Variants in ERBB4 observed in about 807,000 individuals in gnomAD.
ERBB4 encodes the protein receptor tyrosine-protein kinase erbB-4.
A neutral mutation model predicts 158.0 loss-of-function variants in ERBB4; 42 were observed. The ratio of observed to expected loss-of-function variants is 0.27; its 90% confidence interval spans 0.21 to 0.34. The LOEUF is 0.34. ERBB4 is among the 10% of genes least tolerant of loss of function. ERBB4 has a pLI of 1.00. For missense variants in ERBB4, 1,333 were observed against 1,624.1 expected (o/e 0.82, Z 3.08); for synonymous variants, 583 against 558.7 (o/e 1.04, Z -0.61).
intron 1 of ERBB4, among the ~76,000 whole-genome samples, chr2:212,171,449 G>C (rs906348244): frequency 1.3e-5 from 2 of 151,986 alleles, no homozygotes; most frequent in Non-Finnish European, 2.9e-5. Flanking sequence ...TCTTTGGAAG[G>C]CATGATTGGT....
At chr2:211,559,115 A>G (rs2067316498) in intron 20 of ERBB4, among the ~76,000 whole-genome samples, 1 of 152,118 alleles carries the variant, frequency 6.6e-6, no homozygotes, top group African/African-American at 2.4e-5. Flanking sequence ...TCACCACCTC[A>G]GGAAATGATC....
chr2:212,433,635 G>T (rs1178143322), intron 1 of ERBB4, among the ~76,000 whole-genome samples: 1 of 151,896 alleles, frequency 6.6e-6, no homozygotes, highest in Non-Finnish European at 1.5e-5. Flanking sequence ...AAAAAAATAG[G>T]TCCTTCGCAA....
chr2:211,506,571 G>A (rs879527973), intron 20 of ERBB4, among the ~76,000 whole-genome samples: 6 of 151,764 alleles, frequency 4.0e-5, no homozygotes, highest in Admixed American at 6.6e-5. Flanking sequence ...TCTGTATCAT[G>A]GTGGAACAGA....
intron 16 of ERBB4, among the ~76,000 whole-genome samples, chr2:211,645,556 C>A (rs1239343241): frequency 6.6e-6 from 1 of 151,572 alleles, no homozygotes; most frequent in Non-Finnish European, 1.5e-5. Context: ...GTTAATTAAA[C>A]TTCTTTATCC....
chr2:212,099,682 C>T (rs778640799), intron 2 of ERBB4, among the ~76,000 whole-genome samples: 1 of 151,654 alleles, frequency 6.6e-6, no homozygotes, highest in Non-Finnish European at 1.5e-5. Context: ...TAGGGCAATG[C>T]CAATTTAGAA....
chr2:211,475,437 A>G, intron 20 of ERBB4, among the ~76,000 whole-genome samples: 1 of 152,098 alleles, frequency 6.6e-6, no homozygotes, highest in East Asian at 1.9e-4. Context: ...GTGTATTAAC[A>G]TACACCATAA....
At chr2:211,412,324 GT>G (rs1251496524) in intron 25 of ERBB4, among the ~76,000 whole-genome samples, 1 of 152,088 alleles carries the variant, frequency 6.6e-6, no homozygotes, top group Non-Finnish European at 1.5e-5. Flanking sequence ...GTGGTGGGGG[GT>G]TTTATTTGTT....
intron 20 of ERBB4, among the ~76,000 whole-genome samples, chr2:211,546,327 T>G (rs7591843): frequency 0.28 from 42,772 of 151,996 alleles, 6,964 homozygotes; most frequent in African/African-American, 0.45. Context: ...ACATATATAT[T>G]TATGTGTATA....
At chr2:211,819,331 A>G (rs1408205592) in intron 3 of ERBB4, among the ~76,000 whole-genome samples, 2 of 152,066 alleles carry the variant, frequency 1.3e-5, no homozygotes, top group Admixed American at 1.3e-4. Context: ...ACAGGAAGAT[A>G]TAAAAATAAA....
In ERBB4 at chr2:211,687,070, T is replaced by C. The variant is rs189592965; in HGVS notation, c.1490-7886A>G. On this transcript the variant is annotated intron_variant, in intron 12 of 27. Transcript: ENST00000342788. The stretch of plus-strand genomic sequence containing the variant: ...CAGCACTTTGGGAGGCCAAGGTGGG[T>C]GGATCACGAGGTCAGGAGATCGAGA... Among the ~76,000 whole-genome samples the C allele has an allele frequency of 4.0e-5, 6 of 150,832 alleles. No homozygotes were observed. In the East Asian group the frequency reaches 9.8e-4, roughly 25 times the overall value.
intron 3 of ERBB4, among the ~76,000 whole-genome samples, chr2:211,850,645 G>A (rs1351657288): frequency 6.6e-6 from 1 of 151,808 alleles, no homozygotes; most frequent in Non-Finnish European, 1.5e-5. Context: ...TGGGGGAGCT[G>A]TCATGTATGA....
intron 1 of ERBB4, among the ~76,000 whole-genome samples, chr2:212,217,048 A>G (rs899904068): frequency 1.3e-5 from 2 of 151,446 alleles, no homozygotes; most frequent in Non-Finnish European, 3.0e-5. Flanking sequence ...AGCACACAAT[A>G]AAGAGAAAGG....
chr2:212,194,291 T>TACAC (rs5838307), intron 1 of ERBB4, among the ~76,000 whole-genome samples: 8,871 of 148,766 alleles, frequency 0.06, 336 homozygotes, highest in Admixed American at 0.12. Context: ...AAATAGTTTA[T>TACAC]ACACACACAC....
At chr2:211,661,329 A>G (rs1400828655) in intron 15 of ERBB4, among the ~76,000 whole-genome samples, 1 of 152,232 alleles carries the variant, frequency 6.6e-6, no homozygotes, top group Non-Finnish European at 1.5e-5. Flanking sequence ...AGAACAACAG[A>G]AACACAAAAC....
rs149918640 is a variant in ERBB4, at chr2:211,627,393, G to A, written c.2079+3069C>T. Among the ~76,000 whole-genome samples, 23 of 152,336 alleles carry A rather than the reference G, an allele frequency of 1.5e-4. No homozygotes were observed. The East Asian group carries it at 4.0e-3, about 27-fold the overall frequency. On this transcript the variant is annotated intron_variant, in intron 17 of 27. Transcript: ENST00000342788. The stretch of plus-strand genomic sequence containing the variant: ...AGGAATCACTATTAGGTTTTCCCAT[G>A]TATGTAATTGACTACCTTTATTTTG...
intron 1 of ERBB4, among the ~76,000 whole-genome samples, chr2:212,500,505 C>T (rs185862908): frequency 6.6e-6 from 1 of 151,756 alleles, no homozygotes; most frequent in Non-Finnish European, 1.5e-5. Flanking sequence ...GTGGCCCTAA[C>T]ATTTAATTTT....
At chr2:211,461,085 G>GAAA (rs34730738) in intron 20 of ERBB4, among the ~76,000 whole-genome samples, 1 of 147,044 alleles carries the variant, frequency 6.8e-6, no homozygotes, top group Non-Finnish European at 1.5e-5. Context: ...GAGATTGGGG[G>GAAA]AAAAAAAAAA....
intron 3 of ERBB4, among the ~76,000 whole-genome samples, chr2:211,875,783 G>T (rs990523207): frequency 6.6e-6 from 1 of 152,110 alleles, no homozygotes; most frequent in African/African-American, 2.4e-5. Context: ...CACAAGTGTA[G>T]CATTTTTAAT....
intron 25 of ERBB4, among the ~76,000 whole-genome samples, chr2:211,399,581 C>T (rs772021853): frequency 2.0e-5 from 3 of 152,262 alleles, no homozygotes; most frequent in Non-Finnish European, 4.4e-5. Context: ...CTGTCAATAT[C>T]AGTTACTATT....
Sources: gnomAD v4.1 joint callset for allele counts (sites outside exome capture counted in the v4.1 genomes callset) on GRCh38, gnomAD v4.1.1 for gene constraint, MANE v1.5 for transcripts, NCBI Gene and HGNC (gene_info 2026-07-23, HGNC 2026-07-21) for gene names.